The following KCNG3 variants were observed in gnomAD, a reference collection of about 807,000 sequenced individuals.
KCNG3 encodes potassium voltage-gated channel modifier subfamily G member 3, also known as voltage-gated potassium channel regulatory subunit KCNG3.
KCNG3 carries 15 observed loss-of-function variants against 29.0 expected under a neutral mutation model. The observed-to-expected ratio is 0.52, with a 90% CI of 0.35 to 0.80. KCNG3 has a LOEUF of 0.80. Among genes scored for constraint, KCNG3 ranks in the 30% least tolerant of loss-of-function variants. KCNG3 has a pLI of 0.01. For missense variants in KCNG3, 512 were observed against 605.7 expected, an observed-to-expected ratio of 0.85 and a Z score of 1.62; for synonymous variants, 322 against 248.9, an observed-to-expected ratio of 1.29 and a Z score of -2.76.
the KCNG3 span, among the ~76,000 whole-genome samples, chr2:42,434,966 G>T: frequency 6.6e-6 from 1 of 152,136 alleles, no homozygotes; most frequent in African/African-American, 2.4e-5. Context: ...AACTAAAAAT[G>T]GATCAGAGAC....
At chr2:42,445,616 C>T (rs1473135222) in intron 1 of KCNG3, among the ~76,000 whole-genome samples, 1 of 152,226 alleles carries the variant, frequency 6.6e-6, no homozygotes, top group Non-Finnish European at 1.5e-5. Context: ...TTACACAGCA[C>T]ATATTTTTAA....
chr2:42,414,183 T>C, the KCNG3 span, among the ~76,000 whole-genome samples: 1 of 152,240 alleles, frequency 6.6e-6, no homozygotes, highest in East Asian at 1.9e-4. Context: ...TCTTGTGGCA[T>C]CATGCTCTTT....
chr2:42,401,100 T>C, the KCNG3 span, among the ~76,000 whole-genome samples: 1 of 150,514 alleles, frequency 6.6e-6, no homozygotes, highest in Non-Finnish European at 1.5e-5. Context: ...GTATATATTA[T>C]ACACTTGTCT....
downstream of KCNG3, chr2:42,441,870 G>T (rs1203973244): frequency 9.7e-6 from 1 of 103,474 alleles, no homozygotes; most frequent in African/African-American, 3.4e-5. Flanking sequence ...CCTCAAATCA[G>T]TCAACTGTTT....
At chr2:42,408,924 C>T in the KCNG3 span, among the ~76,000 whole-genome samples, 1 of 152,102 alleles carries the variant, frequency 6.6e-6, no homozygotes, top group Admixed American at 6.5e-5. Flanking sequence ...CTGGTGTCTC[C>T]AAGTTTCTGA....
chr2:42,461,049 T>C (rs2103689430), intron 1 of KCNG3, among the ~76,000 whole-genome samples: 1 of 151,816 alleles, frequency 6.6e-6, no homozygotes, highest in East Asian at 1.9e-4. Context: ...TAGTCCCAGC[T>C]ACTCGGGAGG....
chr2:42,404,624 AG>A, the KCNG3 span, among the ~76,000 whole-genome samples: 1 of 152,086 alleles, frequency 6.6e-6, no homozygotes, highest in Admixed American at 6.6e-5. Context: ...GCTACTTGGG[AG>A]GCTGAAGTGG....
the KCNG3 span, among the ~76,000 whole-genome samples, chr2:42,430,050 C>G: frequency 3.3e-5 from 5 of 152,054 alleles, no homozygotes; most frequent in Non-Finnish European, 5.9e-5. Context: ...CAATTTTTTT[C>G]TCTAAGCAAA....
intron 1 of KCNG3, among the ~76,000 whole-genome samples, chr2:42,489,836 G>T (rs1269283920): frequency 1.3e-5 from 2 of 152,126 alleles, no homozygotes; most frequent in African/African-American, 4.8e-5. Context: ...CAATGCCCTG[G>T]ATTAATTTTG....
intron 1 of KCNG3, among the ~76,000 whole-genome samples, chr2:42,482,933 C>T (rs1673628148): frequency 6.6e-6 from 1 of 151,936 alleles, no homozygotes; most frequent in African/African-American, 2.4e-5. Flanking sequence ...CCAGCCCGGA[C>T]AATATAGCAA....
chr2:42,402,697 A>G, the KCNG3 span, among the ~76,000 whole-genome samples: 2 of 152,236 alleles, frequency 1.3e-5, no homozygotes, highest in Non-Finnish European at 2.9e-5. Context: ...CATCTATCAT[A>G]TAACAAGATC....
the KCNG3 span, among the ~76,000 whole-genome samples, chr2:42,398,032 G>A: frequency 2.0e-5 from 3 of 152,006 alleles, no homozygotes; most frequent in Admixed American, 1.3e-4. Flanking sequence ...GACCATCCTG[G>A]CTAACACAGT....
Position 42,471,843 on chromosome 2 carries a change from C to G in KCNG3, c.665+20994G>C, listed in dbSNP as rs184338344. Among the ~76,000 whole-genome samples the G allele has an allele frequency of 2.3e-3, 336 of 146,256 alleles. 1 individual carries two copies. Among genetic ancestry groups the G allele is most frequent in the Non-Finnish European group, 4.1e-3 (273 of 67,216 alleles). On this transcript the variant is annotated intron_variant, in intron 1 of 1. Transcript: ENST00000306078. ...AGGCTGTAGTGAGCCATGACTGCAC[C>G]ACTGCACTCCAGCCTAAGTGACACA...
At chr2:42,408,428 T>A in the KCNG3 span, among the ~76,000 whole-genome samples, 22 of 152,096 alleles carry the variant, frequency 1.4e-4, no homozygotes, top group African/African-American at 5.3e-4. Flanking sequence ...CAGGTTCAGC[T>A]AGAGCTGGGC....
At chr2:42,432,093 A>C in the KCNG3 span, among the ~76,000 whole-genome samples, 1 of 151,928 alleles carries the variant, frequency 6.6e-6, no homozygotes, top group Non-Finnish European at 1.5e-5. Context: ...ATGGGTCTTC[A>C]AGGGCTTTTT....
chr2:42,389,464 T>A, the KCNG3 span, among the ~76,000 whole-genome samples: 1 of 152,216 alleles, frequency 6.6e-6, no homozygotes, highest in African/African-American at 2.4e-5. Context: ...GGCACATACA[T>A]TTCTAAAGAT....
chr2:42,415,035 A>G, the KCNG3 span, among the ~76,000 whole-genome samples: 1 of 152,028 alleles, frequency 6.6e-6, no homozygotes, highest in Non-Finnish European at 1.5e-5. Flanking sequence ...GGATTTGTAG[A>G]TTTTCCTTGA....
intron 1 of KCNG3, among the ~76,000 whole-genome samples, chr2:42,476,608 T>A (rs1673432436): frequency 6.6e-6 from 1 of 151,852 alleles, no homozygotes; most frequent in African/African-American, 2.4e-5. Flanking sequence ...TGCCTAAGCC[T>A]CCCAAGTAGC....
the KCNG3 span, among the ~76,000 whole-genome samples, chr2:42,415,290 A>G: frequency 1.3e-5 from 2 of 152,160 alleles, no homozygotes; most frequent in Non-Finnish European, 2.9e-5. Context: ...CCCTTCCTCC[A>G]TGGCCAAGAC....
Sources: gnomAD v4.1 joint callset for allele counts (sites outside exome capture counted in the v4.1 genomes callset) on GRCh38, gnomAD v4.1.1 for gene constraint, MANE v1.5 for transcripts, NCBI Gene and HGNC (gene_info 2026-07-23, HGNC 2026-07-21) for gene names.